The following JPH3 variants were observed in gnomAD, a reference collection of about 807,000 sequenced individuals.
The protein encoded by JPH3 is junctophilin 3, also known as junctophilin-3.
In JPH3, 11 loss-of-function variants were observed where a neutral mutation model predicts 59.6. That is an observed-to-expected ratio of 0.18 (90% CI 0.12 to 0.31). The LOEUF (loss-of-function observed/expected upper bound fraction) is 0.31. Ranked by LOEUF, JPH3 falls within the 10% of genes least tolerant of loss-of-function variation. JPH3 has a pLI of 1.00. For missense variants in JPH3, 1,202 were observed against 1,105.7 expected (o/e 1.09, Z -1.24); for synonymous variants, 673 against 483.6 (o/e 1.39, Z -5.14).
Position 87,665,541 on chromosome 16 carries a change from T to C in JPH3, c.1161-18601T>C, listed in dbSNP as rs552872052. 4.6e-5 allele frequency among the ~76,000 whole-genome samples: 7 copies of C among 152,296 alleles called. No individual in the cohort carries two copies. In the East Asian group the frequency reaches 1.4e-3, roughly 29 times the overall value. ...CCCAAGGCCCCCCAACATTGTGGGG[T>C]GAGCCCCACCTCACAGATGCTGAGA... On this transcript the variant is annotated intron_variant, in intron 2 of 4. Coordinates refer to ENST00000284262, the MANE Select transcript of JPH3 (RefSeq NM_020655.4).
chr16:87,642,490 A>G (rs1028357763), intron 1 of JPH3, among the ~76,000 whole-genome samples: 14 of 152,216 alleles, frequency 9.2e-5, no homozygotes, highest in East Asian at 1.9e-4. Flanking sequence ...GGTAATTCCA[A>G]TGTTTTATGA....
rs540135711 is a variant in JPH3, at chr16:87,603,017, C to G, written c.-130C>G. On this transcript the variant is annotated 5_prime_UTR_variant, in exon 1 of 5. Coordinates refer to ENST00000284262, the MANE Select transcript of JPH3 (RefSeq NM_020655.4). ...GCGGCCGCCCGCGCCCGAGACCGCG[C>G]TCCGGGGCCGCGTCCTCCTCTCCTC... 1 of 1,212,610 alleles carries G rather than the reference C, an allele frequency of 8.2e-7. No individual in the cohort carries two copies. Among genetic ancestry groups the G allele is most frequent in the East Asian group, 2.6e-5 (1 of 38,938 alleles). 75.1% of individuals were successfully genotyped at this position (1,212,610 alleles called of 1,614,324 possible).
intron 2 of JPH3, among the ~76,000 whole-genome samples, chr16:87,663,885 C>G (rs187752368): frequency 2.0e-5 from 3 of 149,636 alleles, no homozygotes; most frequent in African/African-American, 7.7e-5. Flanking sequence ...ACCCCATTCC[C>G]CAACAAGCCC....
intron 1 of JPH3, chr16:87,604,310 T>G (rs2030413064): frequency 6.8e-7 from 1 of 1,467,434 alleles, no homozygotes; most frequent in Non-Finnish European, 9.1e-7. Flanking sequence ...CTGCTGCTGC[T>G]GCTGCTGCTG....
intron 2 of JPH3, among the ~76,000 whole-genome samples, chr16:87,674,060 C>T (rs928846957): frequency 4.0e-5 from 6 of 150,872 alleles, no homozygotes; most frequent in Non-Finnish European, 8.8e-5. Flanking sequence ...ACAGGCCAGG[C>T]GCAGTGGCTC....
chr16:87,619,974 AC>A (rs1395674693), intron 1 of JPH3, among the ~76,000 whole-genome samples: 28 of 152,172 alleles, frequency 1.8e-4, no homozygotes, highest in Non-Finnish European at 3.8e-4. Context: ...GAACAGGGCC[AC>A]CCTGGGACCC....
intron 1 of JPH3, among the ~76,000 whole-genome samples, chr16:87,638,901 G>A (rs891407804): frequency 1.3e-5 from 2 of 152,106 alleles, no homozygotes; most frequent in East Asian, 1.9e-4. Context: ...CTCTCAGGAT[G>A]TGAAGTGTGG....
chr16:87,634,596 C>G lies in JPH3; in HGVS notation c.383-9662C>G, dbSNP rs1045422881. 4.6e-5 allele frequency among the ~76,000 whole-genome samples: 7 copies of G among 152,362 alleles called. No homozygotes were observed. In the East Asian group the frequency reaches 1.4e-3, roughly 29 times the overall value. ...CGCAGAGCCACCACCTTGGGCTCCC[C>G]TGCCCCAGGCCCAGGCTGGTGGATC... is the stretch of plus-strand genomic sequence containing the variant. On this transcript the variant is annotated intron_variant, in intron 1 of 4. Coordinates refer to ENST00000284262, the MANE Select transcript of JPH3 (RefSeq NM_020655.4).
Position 87,690,172 on chromosome 16 carries a change from G to A in JPH3, c.1812G>A (p.Gln604=). Residue 604 remains glutamine, a synonymous_variant, in exon 4 of 5, where the codon CAG becomes CAA. Coordinates refer to ENST00000284262, the MANE Select transcript of JPH3 (RefSeq NM_020655.4). ...SPGGSRLLEL[Q]EEKLSNYRME... ...GAGGCTCCAGGCTGCTGGAGCTGCA[G>A]GAGGAGAAGCTGAGCAACTACCGGA... is the stretch of plus-strand genomic sequence containing the variant. 1.3e-6 allele frequency: 2 copies of A among 1,599,984 alleles called. No individual in the cohort carries two copies. Among genetic ancestry groups the A allele is most frequent in the Non-Finnish European group, 1.7e-6 (2 of 1,173,686 alleles).
At position 87,689,836 on chromosome 16, in the gene JPH3, C is replaced by T. The variant is rs537678092; in HGVS notation, c.1476C>T (p.Pro492=). 72 of 1,544,352 alleles carry T rather than the reference C, an allele frequency of 4.7e-5. No homozygotes were observed. In the South Asian group the frequency reaches 8.3e-4, roughly 18 times the overall value. The part of the protein sequence containing the change: ...TSPAATPPPA[P]AARNKVAHFS... ...CCGCGGCCACCCCGCCGCCCGCGCCCGCCGCCAGGAACAAGGTCGCCCACT... is the reference window on the plus strand; with the variant it reads ...CCGCGGCCACCCCGCCGCCCGCGCCTGCCGCCAGGAACAAGGTCGCCCACT... Residue 492 remains proline, a synonymous_variant, in exon 4 of 5, where the codon CCC becomes CCT. Transcript: ENST00000284262.
At chr16:87,616,190 T>TTTTTTG (rs3221600) in intron 1 of JPH3, among the ~76,000 whole-genome samples, 20 of 116,018 alleles carry the variant, frequency 1.7e-4, no homozygotes, top group African/African-American at 5.9e-4. Flanking sequence ...CAATCTGGTT[T>TTTTTTG]TGTGTGTGTG....
chr16:87,655,199 C>T (rs377028123), intron 2 of JPH3, among the ~76,000 whole-genome samples: 37 of 152,334 alleles, frequency 2.4e-4, no homozygotes, highest in Middle Eastern at 3.4e-3. Flanking sequence ...TGGGCCTTCC[C>T]GCCACCCCCG....
In JPH3 at chr16:87,644,995, G is replaced by A. The variant is rs199967240; in HGVS notation, c.1120G>A (p.Ala374Thr). 46 of 1,607,082 alleles carry A rather than the reference G, an allele frequency of 2.9e-5. No homozygotes were observed. Among genetic ancestry groups the A allele is most frequent in the Admixed American group, 2.3e-4 (14 of 59,956 alleles). The change falls in exon 2 of 5, where the codon GCC becomes ACC. Residue 374 changes from alanine to threonine, a missense_variant. Transcript: ENST00000284262. Reference sequence around the variant, plus strand: ...CGCCGTTGAGGCCGCTGAGCGGGCCGCCACCATCGCCAAGCAGAAGGCTGA... The same window carrying A: ...CGCCGTTGAGGCCGCTGAGCGGGCCACCACCATCGCCAAGCAGAAGGCTGA... ...DRAVEAAERA[A>T]TIAKQKAEIA...
At chr16:87,684,404 T>A in intron 3 of JPH3, 138 bp downstream of exon 3, 1 of 1,365,494 alleles carries the variant, frequency 7.3e-7, no homozygotes, top group East Asian at 2.5e-5. Context: ...GCCCGGTGTC[T>A]TCCTCTCCCG....
Position 87,638,007 on chromosome 16 carries a change from C to T in JPH3, c.383-6251C>T, listed in dbSNP as rs149967145. ...TCTTGGCTCACTGCAGCAGCCTCTGCCTCCTGGGTTCAAGCAATTCTCCTG... is the reference window on the plus strand; with the variant it reads ...TCTTGGCTCACTGCAGCAGCCTCTGTCTCCTGGGTTCAAGCAATTCTCCTG... On this transcript the variant is annotated intron_variant, in intron 1 of 4. Coordinates refer to ENST00000284262, the MANE Select transcript of JPH3 (RefSeq NM_020655.4). 3.2e-3 allele frequency among the ~76,000 whole-genome samples: 491 copies of T among 152,268 alleles called. 1 individual carries two copies. Among genetic ancestry groups the T allele is most frequent in the Admixed American group, 7.9e-3 (121 of 15,290 alleles).
At position 87,604,264 on chromosome 16, in the gene JPH3, C is replaced by T. The variant is rs1406433446; in HGVS notation, c.382+736C>T. The T allele has an allele frequency of 2.3e-5, 33 of 1,459,698 alleles. No homozygotes were observed. In the Admixed American group the frequency reaches 3.5e-4, roughly 16 times the overall value. 90.4% of individuals were successfully genotyped at this position (1,459,698 alleles called of 1,614,324 possible). A position where few individuals can be genotyped will look rare whatever the true frequency, so the allele number is the denominator to read the frequency against. ...GATGCCACCGCATTCGGGGCAGAGC[C>T]GGGGCCGGAAGCCAGGGAGCTGCCT... On this transcript the variant is annotated intron_variant, in intron 1 of 4. Coordinates refer to ENST00000284262, the MANE Select transcript of JPH3 (RefSeq NM_020655.4).
In JPH3 at chr16:87,689,700, T is replaced by G. The variant is rs773910203; in HGVS notation, c.1340T>G (p.Leu447Arg). The change falls in exon 4 of 5, where the codon CTG (leucine) becomes CGG (arginine). Residue 447 changes from leucine to arginine, a missense_variant. By Grantham distance (102) the Leu-to-Arg change is moderately radical (BLOSUM62 -2). Transcript: ENST00000284262. ...ACCTCCTGTGACGACATCGAGGTGC[T>G]GTCCACCGGGACACCCCTGCAGCAG... ...RQTSCDDIEVLSTGTPLQQES... is the reference protein window; with the variant it reads ...RQTSCDDIEVRSTGTPLQQES... The G allele has an allele frequency of 1.2e-6, 2 of 1,612,464 alleles. No individual in the cohort carries two copies. The highest frequency in any genetic ancestry group is 2.2e-5 in the South Asian group (2 of 90,996).
chr16:87,622,029 A>C (rs1319179573), intron 1 of JPH3, among the ~76,000 whole-genome samples: 3 of 152,136 alleles, frequency 2.0e-5, no homozygotes, highest in African/African-American at 7.2e-5. Context: ...GTCTGGGGTC[A>C]CTGGGGTGTT....
intron 2 of JPH3, among the ~76,000 whole-genome samples, chr16:87,676,327 T>C (rs4843669): frequency 0.32 from 47,983 of 152,108 alleles, 8,067 homozygotes; most frequent in East Asian, 0.45. Context: ...TTTAACAACA[T>C]CTTTTTGAAC....
Sources: allele counts gnomAD v4.1 joint callset (sites outside exome capture counted in the v4.1 genomes callset), GRCh38; gene constraint gnomAD v4.1.1; transcripts MANE v1.5; gene names NCBI Gene and HGNC (gene_info 2026-07-23, HGNC 2026-07-21).